ZNF560: variants seen among roughly 807,000 people sequenced by gnomAD.
The protein encoded by ZNF560 is zinc finger protein 560.
In ZNF560, 54 loss-of-function variants were observed where a neutral mutation model predicts 81.8. The observed-to-expected ratio is 0.66, with a 90% CI of 0.53 to 0.83. The LOEUF (loss-of-function observed/expected upper bound fraction) is 0.83. Among genes scored for constraint, ZNF560 ranks in the 40% least tolerant of loss-of-function variants. The pLI, the probability that ZNF560 is intolerant of heterozygous loss-of-function variation, is 0.00. For missense variants in ZNF560, 940 were observed against 932.4 expected (o/e 1.01, Z -0.11); for synonymous variants, 321 against 317.9 (o/e 1.01, Z -0.10).
chr19:9,495,629 C>T (rs1413082924), intron 2 of ZNF560, among the ~76,000 whole-genome samples: 1 of 152,134 alleles, frequency 6.6e-6, no homozygotes, highest in African/African-American at 2.4e-5. Flanking sequence ...ATCACTTGAA[C>T]CCAGGAGGCG....
In ZNF560 at chr19:9,466,497, G is replaced by T. The variant is rs561681989; in HGVS notation, c.*77C>A. The T allele has an allele frequency of 5.1e-6, 7 of 1,374,252 alleles. No homozygotes were observed. In the East Asian group the frequency reaches 1.6e-4, roughly 32 times the overall value. 85.1% of individuals were successfully genotyped at this position (1,374,252 alleles called of 1,614,324 possible). ...CATTGATAGTGTTACTTTCTCCTGT[G>T]AATTTTTACATGTTCAGTTAGGCTT... On this transcript the variant is annotated 3_prime_UTR_variant, in exon 10 of 10. Coordinates refer to ENST00000301480, the MANE Select transcript of ZNF560 (RefSeq NM_152476.3).
At chr19:9,490,634 T>C (rs1033731513) in intron 2 of ZNF560, among the ~76,000 whole-genome samples, 9 of 152,248 alleles carry the variant, frequency 5.9e-5, no homozygotes, top group African/African-American at 2.2e-4. Flanking sequence ...TCAGAAAATA[T>C]ATAAACAAAT....
At position 9,474,208 on chromosome 19, in the gene ZNF560, C is replaced by T. The variant is rs778719429; in HGVS notation, c.148G>A (p.Ala50Thr). Residue 50 changes from alanine to threonine, a missense_variant, in exon 4 of 10, where the codon GCC becomes ACC. Coordinates refer to ENST00000301480, the MANE Select transcript of ZNF560 (RefSeq NM_152476.3). Reference protein sequence around the residue: ...DVMLENYENVAKVGFQLFKPS... With the variant: ...DVMLENYENVTKVGFQLFKPS... ...ATGATGGCAGTCTTACCTACTTTGG[C>T]CACGTTCTCATAATTCTCCAGCATC... 6.2e-7 allele frequency: 1 copy of T among 1,614,152 alleles called. No homozygotes were observed.
At chr19:9,470,880 G>C (rs2073110615) in intron 6 of ZNF560, among the ~76,000 whole-genome samples, 2 of 152,136 alleles carry the variant, frequency 1.3e-5, no homozygotes, top group Admixed American at 1.3e-4. Context: ...CTTACCATCT[G>C]TCCTAGCACC....
intron 2 of ZNF560, among the ~76,000 whole-genome samples, chr19:9,486,467 C>A (rs112144308): frequency 5.3e-5 from 8 of 152,268 alleles, no homozygotes; most frequent in Non-Finnish European, 8.8e-5. Context: ...AGGCTGGGCA[C>A]GGTGGCTTAC....
At position 9,468,121 on chromosome 19, in the gene ZNF560, G is replaced by A; in HGVS notation, c.826C>T (p.Leu276=). The A allele has an allele frequency of 1.2e-6, 2 of 1,613,998 alleles. No homozygotes were observed. The highest frequency in any genetic ancestry group is 1.7e-6 in the Non-Finnish European group (2 of 1,179,996). The change falls in exon 10 of 10, where the codon CTG becomes TTG. Residue 276 remains leucine (L), a synonymous_variant. Coordinates refer to ENST00000301480, the MANE Select transcript of ZNF560 (RefSeq NM_152476.3). ...VFSKHGKSFR[L]ILNVQVQRKC... ...CTCTGGACCTGAACATTTAAAATCAGGCGGAAAGATTTTCCATGCTTACTG... is the reference window on the plus strand; with the variant it reads ...CTCTGGACCTGAACATTTAAAATCAAGCGGAAAGATTTTCCATGCTTACTG...
At chr19:9,499,117 A>T (rs2073609172), upstream of ZNF560, among the ~76,000 whole-genome samples, 1 of 151,892 alleles carries the variant, frequency 6.6e-6, no homozygotes, top group African/African-American at 2.4e-5. Flanking sequence ...CTGCGTTTTC[A>T]GTTATCGATA....
At position 9,467,920 on chromosome 19, in the gene ZNF560, T is replaced by C. The variant is rs772196024; in HGVS notation, c.1027A>G (p.Ile343Val). The change falls in exon 10 of 10, where the codon ATT becomes GTT. Residue 343 changes from isoleucine to valine, a missense_variant. Physicochemically the swap from Ile to Val is conservative, Grantham distance 29. Coordinates refer to ENST00000301480, the MANE Select transcript of ZNF560 (RefSeq NM_152476.3). ...TTACATTCATAGGGGTTTTTAATAATGTGTGTTTCAACATTTACAGCATGG... is the reference window on the plus strand; with the variant it reads ...TTACATTCATAGGGGTTTTTAATAACGTGTGTTTCAACATTTACAGCATGG... ...TSHAVNVETHIIKNPYECKEC... is the reference protein window; with the variant it reads ...TSHAVNVETHVIKNPYECKEC... 5.6e-6 allele frequency: 9 copies of C among 1,614,178 alleles called. No homozygotes were observed. Among genetic ancestry groups the C allele is most frequent in the Non-Finnish European group, 6.8e-6 (8 of 1,180,018 alleles).
upstream of ZNF560, among the ~76,000 whole-genome samples, chr19:9,500,355 T>C (rs1209124155): frequency 6.7e-6 from 1 of 148,366 alleles, no homozygotes; most frequent in Non-Finnish European, 1.5e-5. Context: ...GATGGCTCCA[T>C]TGCACTCCAG....
intron 2 of ZNF560, among the ~76,000 whole-genome samples, chr19:9,488,954 G>T (rs2073427142): frequency 6.6e-6 from 1 of 152,050 alleles, no homozygotes; most frequent in African/African-American, 2.4e-5. Flanking sequence ...CTTGCTCCTG[G>T]CTCCTGCCAT....
intron 2 of ZNF560, among the ~76,000 whole-genome samples, chr19:9,490,301 G>A (rs1183311017): frequency 2.6e-5 from 4 of 152,194 alleles, no homozygotes; most frequent in Non-Finnish European, 4.4e-5. Flanking sequence ...ATTAAGATGA[G>A]TTCCCTGTTT....
chr19:9,446,312 A>G, the ZNF560 span, among the ~76,000 whole-genome samples: 1 of 151,702 alleles, frequency 6.6e-6, no homozygotes, highest in Non-Finnish European at 1.5e-5. Flanking sequence ...GACAGACAGG[A>G]TAACTGCATT....
intron 2 of ZNF560, among the ~76,000 whole-genome samples, chr19:9,486,100 C>T (rs890795919): frequency 1.3e-5 from 2 of 152,166 alleles, no homozygotes; most frequent in Non-Finnish European, 2.9e-5. Context: ...GCCAGGGTCC[C>T]TTCTTCAAAT....
rs1237710721 is a variant in ZNF560, at chr19:9,481,966, C to T, written c.-56-6597G>A. Reference sequence around the variant, plus strand: ...AATAAATCATGCTACTATAAAGACACATGCACATGTATGTTTATTGCGGCA... The same window carrying T: ...AATAAATCATGCTACTATAAAGACATATGCACATGTATGTTTATTGCGGCA... On this transcript the variant is annotated intron_variant, in intron 2 of 9. Coordinates refer to ENST00000301480, the MANE Select transcript of ZNF560 (RefSeq NM_152476.3). 5.9e-5 allele frequency among the ~76,000 whole-genome samples: 9 copies of T among 152,330 alleles called. 1 individual carries two copies. In the South Asian group the frequency reaches 1.0e-3, roughly 18 times the overall value.
chr19:9,474,156 T>C (rs763813315), intron 4 of ZNF560, 43 bp downstream of exon 4: 3 of 1,611,788 alleles, frequency 1.9e-6, no homozygotes, highest in South Asian at 1.1e-5. Flanking sequence ...ACACAATGTA[T>C]ATCTCTTCCC....
At chr19:9,501,558 A>G (rs1002150704), upstream of ZNF560, among the ~76,000 whole-genome samples, 7 of 151,592 alleles carry the variant, frequency 4.6e-5, no homozygotes, top group African/African-American at 1.5e-4. Context: ...ACAGGGTTTC[A>G]CCATGTTGGC....
intron 2 of ZNF560, among the ~76,000 whole-genome samples, chr19:9,488,871 A>G (rs2073425778): frequency 6.6e-6 from 1 of 152,122 alleles, no homozygotes; most frequent in African/African-American, 2.4e-5. Flanking sequence ...TGAATGGTTT[A>G]GCACCATCTC....
At chr19:9,480,486 T>C (rs1219463974) in intron 2 of ZNF560, among the ~76,000 whole-genome samples, 1 of 152,010 alleles carries the variant, frequency 6.6e-6, no homozygotes, top group African/African-American at 2.4e-5. Context: ...CTTGAGGACT[T>C]AGAAGAACAA....
At chr19:9,487,146 T>A (rs1568463343) in intron 2 of ZNF560, among the ~76,000 whole-genome samples, 5 of 152,190 alleles carry the variant, frequency 3.3e-5, no homozygotes, top group Admixed American at 2.6e-4. Context: ...ACAAGCTCCA[T>A]AAGGGATAAA....
Sources: allele counts gnomAD v4.1 joint callset (sites outside exome capture counted in the v4.1 genomes callset), GRCh38; gene constraint gnomAD v4.1.1; transcripts MANE v1.5; gene names NCBI Gene and HGNC (gene_info 2026-07-23, HGNC 2026-07-21).